Variants in TSPAN2 observed in about 807,000 individuals in gnomAD.
TSPAN2 encodes tetraspanin 2, also known as tetraspanin-2.
Under a neutral mutation model 33.3 loss-of-function variants are expected in TSPAN2, and 24 were observed. That is an observed-to-expected ratio of 0.72 (90% CI 0.52 to 1.01). The LOEUF (loss-of-function observed/expected upper bound fraction) is 1.01, where lower values mean the gene tolerates loss of function less well. Ranked by LOEUF, TSPAN2 falls within the 50% of genes least tolerant of loss-of-function variation. The probability of loss-of-function intolerance (pLI) is 0.00; values close to 1 mark genes in which losing one functional copy is unlikely to be tolerated. For synonymous variants in TSPAN2, 114 were observed against 104.5 expected (o/e 1.09, Z -0.56); for missense variants, 278 against 281.3 (o/e 0.99, Z 0.08).
At chr1:115,064,285 G>A (rs899414397) in intron 2 of TSPAN2, among the ~76,000 whole-genome samples, 1 of 152,204 alleles carries the variant, frequency 6.6e-6, no homozygotes, top group Non-Finnish European at 1.5e-5. Flanking sequence ...CTGAATGCAG[G>A]GCGGCAGCAA....
intron 2 of TSPAN2, 59 bp downstream of exon 2, chr1:115,072,846 A>T: frequency 7.0e-7 from 1 of 1,419,792 alleles, no homozygotes; most frequent in Non-Finnish European, 9.9e-7. Context: ...CTTCTGCTCT[A>T]AGTCTTTGCA....
intron 2 of TSPAN2, among the ~76,000 whole-genome samples, chr1:115,062,511 G>A (rs1647777509): frequency 6.6e-6 from 1 of 152,176 alleles, no homozygotes; most frequent in African/African-American, 2.4e-5. Context: ...AGTGATGGAG[G>A]CAGCCATCAT....
At chr1:115,057,725 C>A in intron 5 of TSPAN2, 117 bp from the exon 6 acceptor site, 2 of 837,498 alleles carry the variant, frequency 2.4e-6, no homozygotes, top group Non-Finnish European at 2.0e-6. Flanking sequence ...GGCCCAGTCA[C>A]TGCAACCCAG....
intron 2 of TSPAN2, among the ~76,000 whole-genome samples, chr1:115,064,970 G>A (rs1344273567): frequency 6.6e-6 from 1 of 152,176 alleles, no homozygotes; most frequent in Non-Finnish European, 1.5e-5. Flanking sequence ...GAAATAATGA[G>A]CTTTTCAGGA....
rs199971928 is a variant in TSPAN2 at position 115,062,117 on chromosome 1, C to T, written c.270+18G>A. The T allele has an allele frequency of 1.7e-5, 19 of 1,091,606 alleles. No individual in the cohort carries two copies. The highest frequency in any genetic ancestry group is 6.3e-5 in the Admixed American group (3 of 47,980). 67.6% of individuals were successfully genotyped at this position (1,091,606 alleles called of 1,614,324 possible). On this transcript the variant is annotated intron_variant, in intron 3 of 7. Transcript: ENST00000369516. ...TCCCTCACCCCCACCCCACCATTTACCCCCTCGCCCCACTTACTGATCCAA... is the reference window on the plus strand; with the variant it reads ...TCCCTCACCCCCACCCCACCATTTATCCCCTCGCCCCACTTACTGATCCAA...
intron 1 of TSPAN2, among the ~76,000 whole-genome samples, chr1:115,076,372 C>T (rs1648413705): frequency 6.6e-6 from 1 of 152,098 alleles, no homozygotes; most frequent in African/African-American, 2.4e-5. Context: ...AAGCCCATAG[C>T]AAGGTCTGCC....
chr1:115,072,543 C>A (rs1648223278), intron 2 of TSPAN2, among the ~76,000 whole-genome samples: 1 of 152,184 alleles, frequency 6.6e-6, no homozygotes. Context: ...ACTCCAGGGG[C>A]AATAGGGAGT....
At chr1:115,066,780 T>A (rs1484304628) in intron 2 of TSPAN2, among the ~76,000 whole-genome samples, 1 of 152,212 alleles carries the variant, frequency 6.6e-6, no homozygotes, top group Non-Finnish European at 1.5e-5. Context: ...GAATGCAACT[T>A]AGTTTTTGGG....
At chr1:115,080,613 T>G (rs964165318) in intron 1 of TSPAN2, among the ~76,000 whole-genome samples, 1 of 152,198 alleles carries the variant, frequency 6.6e-6, no homozygotes, top group African/African-American at 2.4e-5. Context: ...AAATGAAATG[T>G]CATAGACTAC....
intron 3 of TSPAN2, 31 bp downstream of exon 3, chr1:115,062,104 A>AC: frequency 6.0e-5 from 50 of 832,386 alleles, no homozygotes; most frequent in Non-Finnish European, 7.8e-5. Flanking sequence ...CCTCACCCCC[A>AC]CCCCACCATT....
At chr1:115,054,987 AAAATAAATAAAT>A in intron 6 of TSPAN2, among the ~76,000 whole-genome samples, 1 of 152,064 alleles carries the variant, frequency 6.6e-6, no homozygotes, top group East Asian at 1.9e-4. Context: ...ACTCTGTCTC[AAAATAAATAAAT>A]AAATAAATAA....
At chr1:115,089,494 AGGCTCCGGCGGGGAGGGGGC>A in exon 1 of TSPAN2, 2 of 1,176,462 alleles carry the variant, frequency 1.7e-6, no homozygotes, top group Non-Finnish European at 2.2e-6. Flanking sequence ...GGGGAGCGGC[AGGCTCCGGCGGGGAGGGGGC>A]GGAGCGGGGA....
chr1:115,084,979 G>A (rs574797603), intron 1 of TSPAN2, among the ~76,000 whole-genome samples: 2 of 152,340 alleles, frequency 1.3e-5, no homozygotes, highest in South Asian at 4.1e-4. Flanking sequence ...GTAACGCTGA[G>A]CAGCTAGTGC....
chr1:115,059,320 A>G (rs1434919261), intron 4 of TSPAN2, among the ~76,000 whole-genome samples: 1 of 152,234 alleles, frequency 6.6e-6, no homozygotes, highest in Admixed American at 6.5e-5. Context: ...TTTTAGGATA[A>G]TTCAGCAACA....
intron 2 of TSPAN2, among the ~76,000 whole-genome samples, chr1:115,065,532 G>A (rs1647917760): frequency 6.6e-6 from 1 of 152,130 alleles, no homozygotes; most frequent in Non-Finnish European, 1.5e-5. Context: ...GGATGCCAGT[G>A]ATCTCTGTGA....
At chr1:115,058,281 T>TA (rs1198721367) in intron 5 of TSPAN2, 2 of 157,394 alleles carry the variant, frequency 1.3e-5, no homozygotes, top group African/African-American at 2.4e-5. Flanking sequence ...TCACAGTGTC[T>TA]AAAAAATCAG....
rs1380698052 is a variant in TSPAN2, at chr1:115,048,282, ATATAT to A, written c.*2203_*2207del. Reference sequence around the variant, plus strand: ...AGATATATAGGGATTATATATCTATATATATTATATGTGTGTCTATACAGATATAT... The same window carrying A: ...AGATATATAGGGATTATATATCTATATATATGTGTGTCTATACAGATATAT... On this transcript the variant is annotated 3_prime_UTR_variant, in exon 8 of 8. Coordinates refer to ENST00000369516, the MANE Select transcript of TSPAN2 (RefSeq NM_005725.6). The A allele has an allele frequency of 6.7e-5, 7 of 105,020 alleles. No individual in the cohort carries two copies. Among genetic ancestry groups the A allele is most frequent in the South Asian group, 3.8e-4 (1 of 2,652 alleles). The allele number at this position is 105,020 out of a possible 1,614,324, so 6.5% of individuals were successfully genotyped here.
At position 115,048,914 on chromosome 1, in the gene TSPAN2, T is replaced by C. The variant is rs545591061; in HGVS notation, c.*1576A>G. 8.5e-5 allele frequency: 13 copies of C among 152,162 alleles called. No individual in the cohort carries two copies. The highest frequency in any genetic ancestry group is 1.8e-4 in the Non-Finnish European group (12 of 67,976). The allele number at this position is 152,162 out of a possible 1,614,324, so 9.4% of individuals were successfully genotyped here. On this transcript the variant is annotated 3_prime_UTR_variant, in exon 8 of 8. Coordinates refer to ENST00000369516, the MANE Select transcript of TSPAN2 (RefSeq NM_005725.6). ...AGCAAGTATGGCAGAAAGAGAAATG[T>C]GGTTCTCCATGGGAGAGAGACTATT...
At chr1:115,087,343 C>T (rs895620928) in intron 1 of TSPAN2, among the ~76,000 whole-genome samples, 1 of 151,698 alleles carries the variant, frequency 6.6e-6, no homozygotes, top group African/African-American at 2.4e-5. Context: ...CGGCCAGGCG[C>T]GGTGGCTCAC....
Sources: gnomAD v4.1 joint callset for allele counts (sites outside exome capture counted in the v4.1 genomes callset) on GRCh38, gnomAD v4.1.1 for gene constraint, MANE v1.5 for transcripts, NCBI Gene and HGNC (gene_info 2026-07-23, HGNC 2026-07-21) for gene names.